Variants in MEMO1 observed in about 807,000 individuals in gnomAD.
The protein encoded by MEMO1 is mediator of cell motility 1, also known as protein MEMO1.
Under a neutral mutation model 45.2 loss-of-function variants are expected in MEMO1, and 6 were observed. The ratio of observed to expected loss-of-function variants is 0.13; its 90% CI spans 0.07 to 0.26. MEMO1 has a LOEUF of 0.26. Among genes scored for constraint, MEMO1 ranks in the 10% least tolerant of loss-of-function variants. MEMO1 has a pLI of 1.00. For synonymous variants in MEMO1, 78 were observed against 124.3 expected (o/e 0.63, Z 2.48); for missense variants, 184 against 370.5 (o/e 0.50, Z 4.13).
chr2:31,980,929 G>A (rs994173275), intron 2 of MEMO1, among the ~76,000 whole-genome samples: 2 of 152,136 alleles, frequency 1.3e-5, no homozygotes, highest in Admixed American at 6.6e-5. Flanking sequence ...CAGCCAATAC[G>A]GTAGTCTCAG....
chr2:31,970,169 A>G (rs981540060), intron 2 of MEMO1, among the ~76,000 whole-genome samples: 1 of 151,550 alleles, frequency 6.6e-6, no homozygotes, highest in African/African-American at 2.4e-5. Flanking sequence ...ATGGGGTTTC[A>G]CCATGTTGGC....
chr2:31,912,390 G>A (rs1680701313), intron 6 of MEMO1, among the ~76,000 whole-genome samples: 1 of 151,802 alleles, frequency 6.6e-6, no homozygotes, highest in African/African-American at 2.4e-5. Flanking sequence ...GCACTTGCCT[G>A]TAATCCCAGC....
intron 2 of MEMO1, among the ~76,000 whole-genome samples, chr2:31,987,841 C>G (rs1054114592): frequency 6.6e-6 from 1 of 152,004 alleles, no homozygotes; most frequent in Non-Finnish European, 1.5e-5. Context: ...AGATAGGGTC[C>G]CAGCTAGCAG....
chr2:31,965,901 G>A (rs1004419819), intron 2 of MEMO1, among the ~76,000 whole-genome samples: 2 of 152,126 alleles, frequency 1.3e-5, no homozygotes, highest in South Asian at 2.1e-4. Context: ...GACAGGTGCA[G>A]CAAACCACCA....
intron 2 of MEMO1, among the ~76,000 whole-genome samples, chr2:31,957,274 C>A (rs1191485958): frequency 6.6e-6 from 1 of 151,878 alleles, no homozygotes; most frequent in Non-Finnish European, 1.5e-5. Flanking sequence ...TATTATCTAT[C>A]AAAAAATTAA....
At chr2:31,880,048 T>C (rs1442469027) in intron 8 of MEMO1, among the ~76,000 whole-genome samples, 2 of 152,198 alleles carry the variant, frequency 1.3e-5, no homozygotes, top group Admixed American at 6.5e-5. Flanking sequence ...GCTCTCTATA[T>C]TGTAATGGCT....
chr2:31,980,902 A>G lies in MEMO1; in HGVS notation c.61+29285T>C, dbSNP rs548099757. ...CCCTTCCATCTAGCAACAGATGACT[A>G]AATCAGGAAGAGCCAGCAGCCAATA... On this transcript the variant is annotated intron_variant, in intron 2 of 9. Coordinates refer to ENST00000404530, the MANE Select transcript of MEMO1 (RefSeq NM_001301833.4). Among the ~76,000 whole-genome samples the G allele has an allele frequency of 9.8e-5, 15 of 152,318 alleles. No individual in the cohort carries two copies. In the East Asian group the frequency reaches 2.9e-3, roughly 29 times the overall value.
In MEMO1 at chr2:31,868,281, C is replaced by G. The variant is rs1673149599; in HGVS notation, c.*80G>C. ...TTTCAGAATCCCCCCAAACCAGGAC[C>G]AGTATCGTGGTAAAGGCTAGGCTGG... On this transcript the variant is annotated 3_prime_UTR_variant, in exon 10 of 10. Coordinates refer to ENST00000404530, the MANE Select transcript of MEMO1 (RefSeq NM_001301833.4). The G allele has an allele frequency of 1.0e-5, 14 of 1,335,082 alleles. No individual in the cohort carries two copies. Among genetic ancestry groups the G allele is most frequent in the East Asian group, 5.7e-5 (2 of 35,374 alleles). 82.7% of individuals were successfully genotyped at this position (1,335,082 alleles called of 1,614,324 possible).
intron 7 of MEMO1, among the ~76,000 whole-genome samples, chr2:31,885,562 C>A (rs931348907): frequency 6.6e-6 from 1 of 152,142 alleles, no homozygotes; most frequent in Non-Finnish European, 1.5e-5. Flanking sequence ...ACAAAGCTGT[C>A]CAAAATCTTT....
At chr2:31,941,817 A>G (rs1665651719) in intron 3 of MEMO1, among the ~76,000 whole-genome samples, 1 of 152,228 alleles carries the variant, frequency 6.6e-6, no homozygotes, top group Non-Finnish European at 1.5e-5. Context: ...ATCAAGTTAG[A>G]TATACAAATA....
intron 3 of MEMO1, among the ~76,000 whole-genome samples, chr2:31,935,353 G>A (rs943963418): frequency 2.6e-5 from 4 of 152,120 alleles, no homozygotes; most frequent in Admixed American, 6.5e-5. Context: ...AAAACTACAC[G>A]AAAGGATGAA....
At chr2:32,005,788 T>C (rs896180714) in intron 2 of MEMO1, among the ~76,000 whole-genome samples, 2 of 152,336 alleles carry the variant, frequency 1.3e-5, no homozygotes, top group East Asian at 1.9e-4. Flanking sequence ...TAAATACTTA[T>C]TGAGCATCTA....
chr2:31,983,623 A>T (rs1014897133), intron 2 of MEMO1, among the ~76,000 whole-genome samples: 2 of 151,982 alleles, frequency 1.3e-5, no homozygotes, highest in African/African-American at 4.8e-5. Flanking sequence ...TAGTAGAGAC[A>T]CGGTTTCTCC....
At chr2:32,004,425 C>T (rs1177416115) in intron 2 of MEMO1, among the ~76,000 whole-genome samples, 1 of 152,084 alleles carries the variant, frequency 6.6e-6, no homozygotes, top group Non-Finnish European at 1.5e-5. Flanking sequence ...AGAAAAAATG[C>T]TCAACTTCAT....
At chr2:31,915,200 G>A (rs527327078) in intron 6 of MEMO1, among the ~76,000 whole-genome samples, 1 of 152,166 alleles carries the variant, frequency 6.6e-6, no homozygotes, top group Admixed American at 6.6e-5. Context: ...CTAACTTGAT[G>A]GAGATCACAA....
chr2:31,876,374 A>C (rs1411297473), intron 8 of MEMO1, among the ~76,000 whole-genome samples: 1 of 152,150 alleles, frequency 6.6e-6, no homozygotes, highest in Non-Finnish European at 1.5e-5. Flanking sequence ...ACTCAATCCA[A>C]AACAGCCTCC....
At chr2:32,010,130 CCGGGCGTGGGGCCAGGCGGCGACGGCGG>C (rs1558577057) in intron 2 of MEMO1, 29 bp downstream of exon 2, 1 of 938,410 alleles carries the variant, frequency 1.1e-6, no homozygotes, top group African/African-American at 1.8e-5. Flanking sequence ...CCTCGGCCGG[CCGGGCGTGGGGCCAGGCGGCGACGGCGG>C]CGGGCGGGCC....
At chr2:32,007,651 T>C (rs1435781210) in intron 2 of MEMO1, among the ~76,000 whole-genome samples, 3 of 152,226 alleles carry the variant, frequency 2.0e-5, no homozygotes, top group Non-Finnish European at 4.4e-5. Flanking sequence ...TTGAATGCTG[T>C]AGGAACCACA....
intron 2 of MEMO1, among the ~76,000 whole-genome samples, chr2:31,988,419 C>T (rs994948231): frequency 7.2e-5 from 11 of 152,058 alleles, no homozygotes; most frequent in Admixed American, 4.6e-4. Context: ...TGGTGGCACA[C>T]GCCTGTAATC....
Sources: gnomAD v4.1 joint callset for allele counts (sites outside exome capture counted in the v4.1 genomes callset) on GRCh38, gnomAD v4.1.1 for gene constraint, MANE v1.5 for transcripts, NCBI Gene and HGNC (gene_info 2026-07-23, HGNC 2026-07-21) for gene names.